GBGT1: variants seen among roughly 807,000 people sequenced by gnomAD.
The protein encoded by GBGT1 is globoside alpha-1,3-N-acetylgalactosaminyltransferase 1.
In GBGT1, 18 loss-of-function variants were observed where a neutral mutation model predicts 20.9. That is an observed-to-expected ratio of 0.86 (90% CI 0.60 to 1.28). The LOEUF (loss-of-function observed/expected upper bound fraction) is 1.28. Among genes scored for constraint, GBGT1 ranks in the 50% most tolerant of loss-of-function variants. GBGT1 has a pLI of 0.00. For missense variants in GBGT1, 432 were observed against 455.7 expected (o/e 0.95, Z 0.47); for synonymous variants, 168 against 180.8 (o/e 0.93, Z 0.57).
At chr9:133,161,789 C>T (rs1259861381) in intron 2 of GBGT1, among the ~76,000 whole-genome samples, 1 of 152,188 alleles carries the variant, frequency 6.6e-6, no homozygotes, top group Non-Finnish European at 1.5e-5. Flanking sequence ...TTCTTGATGC[C>T]AGGCCCCCCA....
intron 2 of GBGT1, among the ~76,000 whole-genome samples, chr9:133,161,915 G>A (rs896536150): frequency 3.3e-5 from 5 of 152,208 alleles, no homozygotes; most frequent in African/African-American, 1.2e-4. Flanking sequence ...GGATGATCCA[G>A]GCAGAGAAAA....
At chr9:133,155,507 C>T (rs745511716) in intron 5 of GBGT1, among the ~76,000 whole-genome samples, 195 bp from the exon 6 acceptor site, 1 of 152,122 alleles carries the variant, frequency 6.6e-6, no homozygotes, top group African/African-American at 2.4e-5. Flanking sequence ...TTAACGCACA[C>T]CAAGGAGAAG....
intron 5 of GBGT1, 102 bp downstream of exon 5, chr9:133,155,799 C>T (rs1200077918): frequency 2.3e-6 from 3 of 1,300,094 alleles, no homozygotes; most frequent in Non-Finnish European, 3.3e-6. Flanking sequence ...TCTCTGGGCC[C>T]CAAGGCCACC....
chr9:133,161,214 C>A lies in GBGT1; in HGVS notation c.137+253G>T, dbSNP rs1019839881. 26 of 441,276 alleles carry A rather than the reference C, an allele frequency of 5.9e-5. No homozygotes were observed. The Admixed American group carries it at 9.1e-4, about 16-fold the overall frequency. 27.3% of individuals were successfully genotyped at this position (441,276 alleles called of 1,614,324 possible). On this transcript the variant is annotated intron_variant, in intron 3 of 6. Coordinates refer to ENST00000372040, the MANE Select transcript of GBGT1 (RefSeq NM_021996.6). ...GTTCTCAGTGGCCAGACACAGCAAGCAAGGCTCACAGCTGTGCAACATGTG... is the reference window on the plus strand; with the variant it reads ...GTTCTCAGTGGCCAGACACAGCAAGAAAGGCTCACAGCTGTGCAACATGTG...
Position 133,162,539 on chromosome 9 carries a change from A to G in GBGT1, c.-120-7T>C, listed in dbSNP as rs1833088000. On this transcript the variant is annotated splice_region_variant and splice_polypyrimidine_tract_variant and intron_variant, in intron 1 of 6. Coordinates refer to ENST00000372040, the MANE Select transcript of GBGT1 (RefSeq NM_021996.6). ...TCTGAGGTCCCAGGAACACCTGCAA[A>G]GGAACACTTTTGTTGTTTTGAGATA... 2 of 738,238 alleles carry G rather than the reference A, an allele frequency of 2.7e-6. No homozygotes were observed. The highest frequency in any genetic ancestry group is 4.8e-6 in the Non-Finnish European group (2 of 419,196). The allele number at this position is 738,238 out of a possible 1,614,324, so 45.7% of individuals were successfully genotyped here. A position where few individuals can be genotyped will look rare whatever the true frequency, so the allele number is the denominator to read the frequency against.
chr9:133,159,352 C>T (rs1334135602), intron 3 of GBGT1, among the ~76,000 whole-genome samples: 1 of 152,198 alleles, frequency 6.6e-6, no homozygotes, highest in Non-Finnish European at 1.5e-5. Context: ...TGTTTCAGGG[C>T]CCTGCTCAGA....
chr9:133,154,703 G>A lies in GBGT1; in HGVS notation c.360-442C>T. The A allele has an allele frequency of 5.7e-6, 1 of 175,948 alleles. No homozygotes were observed. The highest frequency in any genetic ancestry group is 1.2e-5 in the Non-Finnish European group (1 of 83,542). 10.9% of individuals were successfully genotyped at this position (175,948 alleles called of 1,614,324 possible). A position where few individuals can be genotyped will look rare whatever the true frequency, so the allele number is the denominator to read the frequency against. On this transcript the variant is annotated intron_variant, in intron 6 of 6. Transcript: ENST00000372040. The surrounding 1 kb of genome is among the most constrained non-coding windows in gnomAD (Gnocchi z 4.2). ...AGGGGGGTGTGGTTGACACAGCCCT[G>A]CCCCCAGGCCAAAACTCATTGGACA...
In GBGT1 at chr9:133,154,179, T is replaced by C; in HGVS notation, c.442A>G (p.Thr148Ala). The C allele has an allele frequency of 6.3e-7, 1 of 1,589,808 alleles. No homozygotes were observed. The highest frequency in any genetic ancestry group is 8.6e-7 in the Non-Finnish European group (1 of 1,163,194). ...CCGGGAACGGCTGCAGGGTTGTCAGTGAAGATGTAGTAGTGCACCCGGTAC... is the reference window on the plus strand; with the variant it reads ...CCGGGAACGGCTGCAGGGTTGTCAGCGAAGATGTAGTAGTGCACCCGGTAC... ...RGYRVHYYIF[T>A]DNPAAVPGVP... is the part of the protein sequence containing the mutation. The change falls in exon 7 of 7, where the codon ACT becomes GCT. Residue 148 changes from threonine (T) to alanine (A), a missense_variant. By Grantham distance (58) the Thr-to-Ala change is moderately conservative. Coordinates refer to ENST00000372040, the MANE Select transcript of GBGT1 (RefSeq NM_021996.6). The surrounding 1 kb of genome is among the most constrained non-coding windows in gnomAD (Gnocchi z 4.2).
chr9:133,154,108 C>A lies in GBGT1; in HGVS notation c.513G>T (p.Gln171His), dbSNP rs750494096. Residue 171 changes from glutamine (Q) to histidine (H), a missense_variant, in exon 7 of 7, where the codon CAG (glutamine) becomes CAT (histidine). Coordinates refer to ENST00000372040, the MANE Select transcript of GBGT1 (RefSeq NM_021996.6). This position sits in a 1 kb window ranked among gnomAD's most constrained non-coding sequence, Gnocchi z 4.2. The part of the protein sequence containing the change: ...PHRLLSSIPI[Q>H]GHSHWEETSM... ...ATGTCTCCTCCCAGTGGGAGTGACC[C>A]TGGATGGGGATGGAGCTGAGAAGCC... 1 of 1,611,968 alleles carries A rather than the reference C, an allele frequency of 6.2e-7. No homozygotes were observed. Among genetic ancestry groups the A allele is most frequent in the Non-Finnish European group, 8.5e-7 (1 of 1,178,866 alleles).
chr9:133,153,717 T>C lies in GBGT1; in HGVS notation c.904A>G (p.Asn302Asp). ...GGCTTGTTTGAGATGAAGTGACGGT[T>C]CAGGTGGCTTTCCTCCCGCCAGGCA... Reference protein sequence around the residue: ...MAAWREESHLNRHFISNKPSK... With the variant: ...MAAWREESHLDRHFISNKPSK... Residue 302 changes from asparagine (N) to aspartate (D), a missense_variant, in exon 7 of 7, where the codon AAC becomes GAC. Coordinates refer to ENST00000372040, the MANE Select transcript of GBGT1 (RefSeq NM_021996.6). The C allele has an allele frequency of 6.2e-7, 1 of 1,613,860 alleles. No homozygotes were observed. Among genetic ancestry groups the C allele is most frequent in the Non-Finnish European group, 8.5e-7 (1 of 1,179,920 alleles).
rs139946356 is a variant in GBGT1, at chr9:133,155,309, G to A, written c.228C>T (p.Pro76=). 1.2e-3 allele frequency: 1,891 copies of A among 1,613,808 alleles called. 3 individuals are homozygous for A. The highest frequency in any genetic ancestry group is 1.5e-3 in the Non-Finnish European group (1,756 of 1,179,966). ...YPQPKLLEHR[P]TQLLTLTPWL... is the part of the protein sequence containing the mutation. The stretch of plus-strand genomic sequence containing the variant: ...AGGGTGTGAGTGTCAGCAGCTGTGT[G>A]GGCCTGGCAGCAGGGGGGCCGTGGG... The change falls in exon 6 of 7, where the codon CCC becomes CCT. Residue 76 remains proline (P), a synonymous_variant. Transcript: ENST00000372040.
chr9:133,157,601 A>C (rs1832909599), intron 3 of GBGT1, among the ~76,000 whole-genome samples: 1 of 152,264 alleles, frequency 6.6e-6, no homozygotes, highest in Non-Finnish European at 1.5e-5. Flanking sequence ...ATCCTGGGCA[A>C]GTCTTGGCAG....
intron 1 of GBGT1, 98 bp from the exon 2 acceptor site, chr9:133,162,630 T>C (rs532403065): frequency 5.6e-5 from 32 of 572,752 alleles, no homozygotes; most frequent in South Asian, 5.5e-4. Context: ...CAACCTCTTC[T>C]CTTGGGTTCA....
chr9:133,156,730 C>T (rs1832882101), intron 3 of GBGT1, among the ~76,000 whole-genome samples: 1 of 151,932 alleles, frequency 6.6e-6, no homozygotes, highest in South Asian at 2.1e-4. Flanking sequence ...AGCTAATTAA[C>T]CTGAGCCCAC....
Position 133,153,831 on chromosome 9 carries a change from C to T in GBGT1, c.790G>A (p.Val264Ile), listed in dbSNP as rs764246007. 2.6e-5 allele frequency: 41 copies of T among 1,592,402 alleles called. No homozygotes were observed. The highest frequency in any genetic ancestry group is 3.5e-5 in the Non-Finnish European group (41 of 1,166,552). ...SEGDFYYGGA[V>I]FGGQVARVYE... ...ACCCTGGCCACCTGCCCCCCGAAGA[C>T]TGCCCCACCATAATAGAAGTCCCCT... The change falls in exon 7 of 7, where the codon GTC (valine) becomes ATC (isoleucine). Residue 264 changes from valine (V) to isoleucine (I), a missense_variant. Val to Ile is a conservative substitution (Grantham distance 29). Coordinates refer to ENST00000372040, the MANE Select transcript of GBGT1 (RefSeq NM_021996.6).
rs1833130195 is a variant in GBGT1, at chr9:133,163,754, T to G, written c.-121A>C. 6.6e-6 allele frequency: 1 copy of G among 152,328 alleles called. No homozygotes were observed. Among genetic ancestry groups the G allele is most frequent in the Admixed American group, 6.5e-5 (1 of 15,288 alleles). 9.4% of individuals were successfully genotyped at this position (152,328 alleles called of 1,614,324 possible). ...CTGTCCCTACGGGGTGCAGACTTAC[T>G]CCTTGCTGCCGGCCCGGCGTTAGGA... On this transcript the variant is annotated splice_region_variant and 5_prime_UTR_variant, in exon 1 of 7. Transcript: ENST00000372040.
intron 1 of GBGT1, 27 bp from the exon 2 acceptor site, chr9:133,162,559 G>T: frequency 3.0e-6 from 2 of 673,946 alleles, no homozygotes; most frequent in East Asian, 2.7e-5. Context: ...TTGTTGTTTT[G>T]AGATAGAGTT....
chr9:133,156,016 A>G lies in GBGT1; in HGVS notation c.187T>C (p.Trp63Arg), dbSNP rs759504776. Residue 63 changes from tryptophan to arginine, a missense_variant and splice_region_variant, in exon 4 of 7, where the codon TGG becomes CGG. Coordinates refer to ENST00000372040, the MANE Select transcript of GBGT1 (RefSeq NM_021996.6). ...KREKPLQPVV[W>R]SQYPQPKLLE... ...AAGAGGAAATGCCAGTCTCCTTACC[A>G]TACCACGGGCTGGAGTGGCTTCTCC... 13 of 1,613,646 alleles carry G rather than the reference A, an allele frequency of 8.1e-6. No individual in the cohort carries two copies. In the Admixed American group the frequency reaches 1.7e-4, roughly 21 times the overall value.
intron 3 of GBGT1, among the ~76,000 whole-genome samples, chr9:133,157,631 T>G (rs1293677647): frequency 6.6e-6 from 1 of 152,216 alleles, no homozygotes; most frequent in African/African-American, 2.4e-5. Flanking sequence ...ATGGTCAGTT[T>G]CAAGGTCAAA....
Sources: allele counts gnomAD v4.1 joint callset (sites outside exome capture counted in the v4.1 genomes callset), GRCh38; gene constraint gnomAD v4.1.1; non-coding constraint Gnocchi (gnomAD v3.1); transcripts MANE v1.5; gene names NCBI Gene and HGNC (gene_info 2026-07-23, HGNC 2026-07-21).